The following FSTL5 variants were observed in gnomAD, a reference collection of about 807,000 sequenced individuals.
FSTL5 encodes follistatin-related protein 5.
In FSTL5, 62 loss-of-function variants were observed where a neutral mutation model predicts 89.1. The observed-to-expected ratio is 0.70, with a 90% CI of 0.57 to 0.86. FSTL5 has a LOEUF of 0.86. FSTL5 is among the 40% of genes least tolerant of loss of function. FSTL5 has a pLI of 0.00. For synonymous variants in FSTL5, 383 were observed against 346.2 expected, an observed-to-expected ratio of 1.11 and a Z score of -1.18; for missense variants, 1,057 against 1,001.6, an observed-to-expected ratio of 1.06 and a Z score of -0.75.
At chr4:161,448,727 C>T (rs986206267) in intron 15 of FSTL5, among the ~76,000 whole-genome samples, 2 of 152,096 alleles carry the variant, frequency 1.3e-5, no homozygotes, top group African/African-American at 2.4e-5. Context: ...TACTGCTGAT[C>T]GGAAACAAGA....
chr4:161,721,842 T>G (rs1739229792), intron 6 of FSTL5, among the ~76,000 whole-genome samples: 2 of 152,194 alleles, frequency 1.3e-5, no homozygotes, highest in Non-Finnish European at 2.9e-5. Flanking sequence ...TGGTAAAGAT[T>G]ATACAAGAAA....
rs1730991250 is a variant in FSTL5 at position 161,835,090 on chromosome 4, G to A, written c.410-59016C>T. On this transcript the variant is annotated intron_variant, in intron 4 of 15. Coordinates refer to ENST00000306100, the MANE Select transcript of FSTL5 (RefSeq NM_020116.5). ...ACAGTAACCAAAACAGCATGGTACT[G>A]GTACCAAAACAGAGATATAGATCAA... 3.4e-5 allele frequency among the ~76,000 whole-genome samples: 5 copies of A among 147,318 alleles called. No homozygotes were observed. In the South Asian group the frequency reaches 8.5e-4, roughly 25 times the overall value.
Position 161,383,975 on chromosome 4 carries a change from GA to G in FSTL5, c.*1771del, listed in dbSNP as rs1730522442. 6.6e-6 allele frequency: 1 copy of G among 152,178 alleles called. No individual in the cohort carries two copies. Among genetic ancestry groups the G allele is most frequent in the African/African-American group, 2.4e-5 (1 of 41,454 alleles). The allele number at this position is 152,178 out of a possible 1,614,324, so 9.4% of individuals were successfully genotyped here. On this transcript the variant is annotated 3_prime_UTR_variant, in exon 16 of 16. Transcript: ENST00000306100. ...CATCCACATGGTGTAAGCTACAAAAGAAGGATGTATGCGACAGACTTACATG... is the reference window on the plus strand; with the variant it reads ...CATCCACATGGTGTAAGCTACAAAAGAGGATGTATGCGACAGACTTACATG...
chr4:161,976,827 G>T (rs1476762085), intron 3 of FSTL5, among the ~76,000 whole-genome samples: 1 of 152,090 alleles, frequency 6.6e-6, no homozygotes, highest in South Asian at 2.1e-4. Flanking sequence ...CAACCCCACA[G>T]GACCTATGGA....
chr4:161,622,800 A>G (rs1037922412), intron 7 of FSTL5, among the ~76,000 whole-genome samples: 7 of 152,150 alleles, frequency 4.6e-5, no homozygotes, highest in African/African-American at 1.2e-4. Context: ...AATTCCAGGT[A>G]TACTCCACAT....
chr4:161,506,165 G>A (rs1730472214), intron 11 of FSTL5, among the ~76,000 whole-genome samples: 1 of 51,576 alleles, frequency 1.9e-5, no homozygotes, highest in South Asian at 6.1e-4. Flanking sequence ...GAGCTCCAGA[G>A]CTCAGGGATC....
At chr4:161,946,208 T>C (rs893617017) in intron 3 of FSTL5, among the ~76,000 whole-genome samples, 1 of 152,200 alleles carries the variant, frequency 6.6e-6, no homozygotes, top group Non-Finnish European at 1.5e-5. Flanking sequence ...GTGATGATTC[T>C]AAATTGTACA....
chr4:161,667,011 A>T (rs542350040), intron 6 of FSTL5, among the ~76,000 whole-genome samples: 2 of 152,200 alleles, frequency 1.3e-5, no homozygotes, highest in South Asian at 4.1e-4. Context: ...TATTCTCATT[A>T]TATTCTTTTT....
intron 15 of FSTL5, among the ~76,000 whole-genome samples, chr4:161,422,497 C>T (rs943502825): frequency 3.5e-4 from 53 of 152,080 alleles, no homozygotes; most frequent in African/African-American, 1.1e-3. Context: ...TTGAATATCT[C>T]GGAAACTAGG....
At chr4:162,079,724 G>T (rs1730013139) in intron 2 of FSTL5, among the ~76,000 whole-genome samples, 2 of 151,240 alleles carry the variant, frequency 1.3e-5, no homozygotes, top group East Asian at 1.9e-4. Flanking sequence ...ATTTAGGAAG[G>T]CTCAATTCAC....
intron 4 of FSTL5, among the ~76,000 whole-genome samples, chr4:161,864,312 C>A (rs1261810557): frequency 6.6e-6 from 1 of 152,220 alleles, no homozygotes; most frequent in African/African-American, 2.4e-5. Flanking sequence ...GGGCTTGAAT[C>A]GCATCCCTGA....
intron 2 of FSTL5, among the ~76,000 whole-genome samples, chr4:162,051,060 A>G (rs895665855): frequency 6.6e-6 from 1 of 151,590 alleles, no homozygotes; most frequent in African/African-American, 2.4e-5. Flanking sequence ...GTCTTCAAGA[A>G]ACACTTAAAA....
At chr4:161,757,701 C>T (rs1011153583) in intron 6 of FSTL5, among the ~76,000 whole-genome samples, 2 of 152,082 alleles carry the variant, frequency 1.3e-5, no homozygotes, top group South Asian at 2.1e-4. Context: ...TCACTTCAAC[C>T]TTTGCCTCCT....
intron 12 of FSTL5, among the ~76,000 whole-genome samples, chr4:161,494,745 A>G (rs1578876914): frequency 1.3e-5 from 2 of 152,120 alleles, no homozygotes; most frequent in East Asian, 3.9e-4. Flanking sequence ...TCTACAGTTC[A>G]GTATCATTTA....
intron 12 of FSTL5, among the ~76,000 whole-genome samples, chr4:161,498,720 C>G (rs1485051672): frequency 1.3e-5 from 2 of 152,104 alleles, no homozygotes; most frequent in African/African-American, 4.8e-5. Context: ...ACCACACTAC[C>G]TATATCTGCA....
intron 7 of FSTL5, among the ~76,000 whole-genome samples, chr4:161,594,467 A>G (rs1408527386): frequency 6.6e-6 from 1 of 152,106 alleles, no homozygotes; most frequent in Non-Finnish European, 1.5e-5. Flanking sequence ...CCTTCACCCA[A>G]TGATGTAAAA....
At chr4:161,827,072 G>A (rs1490376008) in intron 4 of FSTL5, among the ~76,000 whole-genome samples, 1 of 152,128 alleles carries the variant, frequency 6.6e-6, no homozygotes, top group African/African-American at 2.4e-5. Context: ...TTCTTGTAGT[G>A]CTGGGTGGAC....
Position 161,500,089 on chromosome 4 carries a change from A to T in FSTL5, c.1385T>A (p.Ile462Asn). The T allele has an allele frequency of 6.2e-7, 1 of 1,608,206 alleles. No individual in the cohort carries two copies. The highest frequency in any genetic ancestry group is 8.5e-7 in the Non-Finnish European group (1 of 1,176,322). The change falls in exon 12 of 16, where the codon ATC (isoleucine) becomes AAC (asparagine). Residue 462 changes from isoleucine (I) to asparagine (N), a missense_variant. By Grantham distance (149) the Ile-to-Asn change is moderately radical. This residue lies in a region of FSTL5 where 980 missense variants were observed against 903.2 expected (regional missense o/e 1.08). Transcript: ENST00000306100. The part of the protein sequence containing the change: ...NMFYVFYEDG[I>N]KVIQPIECEF... ...ACATTCTATGGGTTGTATCACTTTGATTCCATCTTCATAAAAAACATAGAA... is the reference window on the plus strand; with the variant it reads ...ACATTCTATGGGTTGTATCACTTTGTTTCCATCTTCATAAAAAACATAGAA...
At chr4:162,086,554 T>C (rs541920765) in intron 2 of FSTL5, among the ~76,000 whole-genome samples, 88 of 152,122 alleles carry the variant, frequency 5.8e-4, no homozygotes, top group African/African-American at 1.9e-3. Context: ...GTGGGATGCA[T>C]TGGAAAATTG....
Sources: allele counts gnomAD v4.1 joint callset (sites outside exome capture counted in the v4.1 genomes callset), GRCh38; gene constraint gnomAD v4.1.1; regional missense constraint gnomAD v4.1.1; transcripts MANE v1.5; gene names NCBI Gene and HGNC (gene_info 2026-07-23, HGNC 2026-07-21).